Variants in KAT7 observed in about 807,000 individuals in gnomAD.
KAT7 encodes the protein histone acetyltransferase KAT7.
KAT7 carries 10 observed loss-of-function variants against 82.1 expected under a neutral mutation model. That is an observed-to-expected ratio of 0.12 (90% CI 0.08 to 0.21). The LOEUF (loss-of-function observed/expected upper bound fraction) is 0.21, where lower values mean the gene tolerates loss of function less well. Among genes scored for constraint, KAT7 ranks in the 10% least tolerant of loss-of-function variants. The probability of loss-of-function intolerance (pLI) is 1.00; values close to 1 mark genes in which losing one functional copy is unlikely to be tolerated. For missense variants in KAT7, 378 were observed against 760.9 expected, an observed-to-expected ratio of 0.50 and a Z score of 5.92; for synonymous variants, 250 against 262.5, an observed-to-expected ratio of 0.95 and a Z score of 0.46.
chr17:49,812,920 C>G lies in KAT7; in HGVS notation c.852+1346C>G, dbSNP rs544915901. Among the ~76,000 whole-genome samples, 416 of 149,338 alleles carry G rather than the reference C, an allele frequency of 2.8e-3. 4 individuals carry two copies. The highest frequency in any genetic ancestry group is 0.01 in the African/African-American group (405 of 40,400). ...GTTTCACCATGTTGGCCAGGCTGGT[C>G]TTGAACTCCTGACCTCGTGATCCAC... On this transcript the variant is annotated intron_variant, in intron 7 of 14. Transcript: ENST00000259021.
At chr17:49,795,661 G>T in intron 2 of KAT7, 1 of 245,750 alleles carries the variant, frequency 4.1e-6, no homozygotes. Flanking sequence ...GAAGACCAAA[G>T]CAGCAGCACA....
At chr17:49,809,253 G>C in intron 6 of KAT7, 45 bp downstream of exon 6, 1 of 1,408,090 alleles carries the variant, frequency 7.1e-7, no homozygotes, top group Non-Finnish European at 1.0e-6. Context: ...TTTGAGGTCC[G>C]TTTCTTGGAT....
rs1199543978 is a variant in KAT7, at chr17:49,827,519, G to A, written c.*17G>A. On this transcript the variant is annotated 3_prime_UTR_variant, in exon 15 of 15. Coordinates refer to ENST00000259021, the MANE Select transcript of KAT7 (RefSeq NM_007067.5). ...GGCACTTAAAGTGACCTGTCATTCCGAGCCAGCGAACCCCAGCAGTAGGAA... is the reference window on the plus strand; with the variant it reads ...GGCACTTAAAGTGACCTGTCATTCCAAGCCAGCGAACCCCAGCAGTAGGAA... 7 of 1,468,316 alleles carry A rather than the reference G, an allele frequency of 4.8e-6. No individual in the cohort carries two copies. The highest frequency in any genetic ancestry group is 1.4e-5 in the African/African-American group (1 of 72,010). The allele number at this position is 1,468,316 out of a possible 1,614,324, so 91.0% of individuals were successfully genotyped here.
intron 2 of KAT7, chr17:49,795,619 C>T: frequency 8.2e-6 from 2 of 244,132 alleles, no homozygotes. Flanking sequence ...CATGGATGGG[C>T]TGAAGAAAAG....
intron 4 of KAT7, among the ~76,000 whole-genome samples, chr17:49,800,682 T>C (rs1219187633): frequency 6.6e-6 from 1 of 152,162 alleles, no homozygotes; most frequent in Non-Finnish European, 1.5e-5. Flanking sequence ...TTTTAAGTTA[T>C]GAGGATGTAG....
intron 4 of KAT7, among the ~76,000 whole-genome samples, chr17:49,803,151 C>T (rs947145226): frequency 2.0e-5 from 3 of 151,934 alleles, no homozygotes; most frequent in African/African-American, 7.3e-5. Flanking sequence ...CTCTGTTGCC[C>T]AGGCTGGAGT....
chr17:49,791,971 G>T lies in KAT7; in HGVS notation c.101G>T (p.Gly34Val). 1 of 1,614,144 alleles carries T rather than the reference G, an allele frequency of 6.2e-7. No individual in the cohort carries two copies. The highest frequency in any genetic ancestry group is 1.3e-5 in the African/African-American group (1 of 75,026). The change falls in exon 2 of 15, where the codon GGC (glycine) becomes GTC (valine). Residue 34 changes from glycine (G) to valine (V), a missense_variant. This residue lies in a region of KAT7 where 161 missense variants were observed against 229.6 expected (regional missense o/e 0.70). Transcript: ENST00000259021. ...CACACAGACAGTTCAGAAAGTGATG[G>T]CACATCCCGACGATCTGCTCGAGTC... is the stretch of plus-strand genomic sequence containing the variant. ...LEHTDSSESD[G>V]TSRRSARVTR...
intron 2 of KAT7, 21 bp downstream of exon 2, chr17:49,792,054 C>T (rs1282558297): frequency 6.2e-7 from 1 of 1,609,550 alleles, no homozygotes; most frequent in Non-Finnish European, 8.5e-7. Context: ...CTTCATTTTT[C>T]CTTACCACTC....
Position 49,809,204 on chromosome 17 carries a change from A to T in KAT7, c.749A>T (p.His250Leu), listed in dbSNP as rs770483324. Residue 250 changes from histidine to leucine, a missense_variant, in exon 6 of 15, where the codon CAC becomes CTC. This residue lies in a region of KAT7 where 102 missense variants were observed against 129.8 expected (regional missense o/e 0.79). Transcript: ENST00000259021. The part of the protein sequence containing the change: ...QDDNNRHATR[H>L]QAPTERQLRY... ...GACAACAACAGGCATGCAACCAGGC[A>T]CCAGGTATGGGCCTTGTTAAAGCAC... The T allele has an allele frequency of 8.7e-6, 14 of 1,612,506 alleles. No homozygotes were observed. Among genetic ancestry groups the T allele is most frequent in the African/African-American group, 1.3e-5 (1 of 74,904 alleles).
chr17:49,807,264 C>G (rs995128869), intron 5 of KAT7, among the ~76,000 whole-genome samples: 1 of 152,088 alleles, frequency 6.6e-6, no homozygotes, highest in Admixed American at 6.5e-5. Flanking sequence ...TAGAGAGAGT[C>G]TGTTTCGGGG....
intron 4 of KAT7, among the ~76,000 whole-genome samples, chr17:49,800,992 G>A (rs2074017666): frequency 1.3e-5 from 2 of 152,180 alleles, no homozygotes; most frequent in Non-Finnish European, 2.9e-5. Context: ...CTCTGGGCAA[G>A]AGAATAGTTA....
intron 9 of KAT7, among the ~76,000 whole-genome samples, chr17:49,820,243 CAAAAAA>C (rs539596857): frequency 7.0e-6 from 1 of 143,624 alleles, no homozygotes; most frequent in Non-Finnish European, 1.5e-5. Context: ...CACCCTATCT[CAAAAAA>C]AAAAACTTTT....
intron 5 of KAT7, among the ~76,000 whole-genome samples, chr17:49,807,442 G>A (rs535867418): frequency 1.3e-5 from 2 of 152,164 alleles, no homozygotes; most frequent in African/African-American, 4.8e-5. Flanking sequence ...GCCATGAGGC[G>A]CGGCTAAACT....
intron 8 of KAT7, among the ~76,000 whole-genome samples, 174 bp downstream of exon 8, chr17:49,816,087 A>G (rs536578430): frequency 6.6e-6 from 1 of 152,264 alleles, no homozygotes; most frequent in East Asian, 1.9e-4. Flanking sequence ...CAGATTTAAA[A>G]TGAATCACCC....
Position 49,827,613 on chromosome 17 carries a change from G to A in KAT7, c.*111G>A. On this transcript the variant is annotated 3_prime_UTR_variant, in exon 15 of 15. Transcript: ENST00000259021. The stretch of plus-strand genomic sequence containing the variant: ...TGATTGGCAAGTACAGTATCCTTTG[G>A]GAAGGCCATCCCCCTCAGGACTGTC... 2.8e-6 allele frequency: 2 copies of A among 709,908 alleles called. No individual in the cohort carries two copies. Among genetic ancestry groups the A allele is most frequent in the South Asian group, 3.2e-5 (2 of 61,888 alleles). The allele number at this position is 709,908 out of a possible 1,614,324, so 44.0% of individuals were successfully genotyped here. A position where few individuals can be genotyped will look rare whatever the true frequency, so the allele number is the denominator to read the frequency against.
chr17:49,791,413 T>G (rs2073887095), intron 1 of KAT7, among the ~76,000 whole-genome samples: 1 of 152,186 alleles, frequency 6.6e-6, no homozygotes. Flanking sequence ...ATCCCAGCAC[T>G]TTGGGAGGCC....
chr17:49,818,347 A>C (rs2074259156), intron 9 of KAT7, among the ~76,000 whole-genome samples: 1 of 152,190 alleles, frequency 6.6e-6, no homozygotes, highest in Non-Finnish European at 1.5e-5. Context: ...AAACTAGATG[A>C]AAATACAGAC....
At chr17:49,795,153 C>G (rs571693802) in intron 2 of KAT7, among the ~76,000 whole-genome samples, 1 of 151,960 alleles carries the variant, frequency 6.6e-6, no homozygotes, top group African/African-American at 2.4e-5. Context: ...TTTGACTGTT[C>G]TCACCACAAA....
chr17:49,832,332 A>T lies in KAT7; in HGVS notation c.*4830A>T, dbSNP rs2074431501. 1 of 152,134 alleles carries T rather than the reference A, an allele frequency of 6.6e-6. No homozygotes were observed. Among genetic ancestry groups the T allele is most frequent in the Non-Finnish European group, 1.5e-5 (1 of 68,066 alleles). 9.4% of individuals were successfully genotyped at this position (152,134 alleles called of 1,614,324 possible). On this transcript the variant is annotated 3_prime_UTR_variant, in exon 15 of 15. Transcript: ENST00000259021. The stretch of plus-strand genomic sequence containing the variant: ...TGACTTGTCCTCAACTTTGATTTGT[A>T]CTGATTTGTCCCTATAGTTCTGGGT...
Sources: gnomAD v4.1 joint callset for allele counts (sites outside exome capture counted in the v4.1 genomes callset) on GRCh38, gnomAD v4.1.1 for gene constraint, gnomAD v4.1.1 regional missense constraint, MANE v1.5 for transcripts, NCBI Gene and HGNC (gene_info 2026-07-23, HGNC 2026-07-21) for gene names.